Variants in DLG2 observed in about 807,000 individuals in gnomAD.
DLG2 encodes disks large homolog 2.
Under a neutral mutation model 132.5 loss-of-function variants are expected in DLG2, and 45 were observed. The observed-to-expected ratio is 0.34, with a 90% CI of 0.27 to 0.44. DLG2 has a LOEUF of 0.44. DLG2 is among the 20% of genes least tolerant of loss of function. The pLI is 1.00. For synonymous variants in DLG2, 424 were observed against 419.6 expected (o/e 1.01, Z -0.13); for missense variants, 1,045 against 1,196.9 (o/e 0.87, Z 1.87).
At chr11:85,571,284 GT>G (rs2077829460) in intron 3 of DLG2, among the ~76,000 whole-genome samples, 1 of 152,090 alleles carries the variant, frequency 6.6e-6, no homozygotes, top group Non-Finnish European at 1.5e-5. Flanking sequence ...ATGTTCAGTT[GT>G]TTTTGTGTAT....
chr11:85,224,284 T>G (rs549303514), intron 4 of DLG2, among the ~76,000 whole-genome samples: 21 of 152,202 alleles, frequency 1.4e-4, no homozygotes, highest in African/African-American at 5.1e-4. Flanking sequence ...AAAGAATAAT[T>G]TTTGAGTTCA....
At chr11:84,857,284 A>G (rs1175677430) in intron 6 of DLG2, among the ~76,000 whole-genome samples, 1 of 151,992 alleles carries the variant, frequency 6.6e-6, no homozygotes, top group Non-Finnish European at 1.5e-5. Context: ...TGAAGAGGTT[A>G]AAGAAACAAT....
chr11:85,125,603 T>TA (rs1483401625), intron 5 of DLG2, among the ~76,000 whole-genome samples: 1 of 152,106 alleles, frequency 6.6e-6, no homozygotes, highest in Non-Finnish European at 1.5e-5. Context: ...AATAATAACT[T>TA]TGTTGTGATT....
At chr11:85,090,306 G>A (rs974867127) in intron 6 of DLG2, among the ~76,000 whole-genome samples, 1 of 152,114 alleles carries the variant, frequency 6.6e-6, no homozygotes, top group Admixed American at 6.5e-5. Context: ...AGGAACTCTA[G>A]GCAGTCTCAC....
At chr11:84,007,709 C>T (rs1404074458) in intron 11 of DLG2, among the ~76,000 whole-genome samples, 1 of 151,572 alleles carries the variant, frequency 6.6e-6, no homozygotes, top group African/African-American at 2.4e-5. Flanking sequence ...GACACAAGCA[C>T]CATGTGGAAT....
Position 84,538,681 on chromosome 11 carries a change from T to C in DLG2, c.358-3950A>G, listed in dbSNP as rs1411164216. Among the ~76,000 whole-genome samples, 6 of 152,108 alleles carry C rather than the reference T, an allele frequency of 3.9e-5. No homozygotes were observed. The East Asian group carries it at 7.7e-4, about 20-fold the overall frequency. ...TAGGTCTGCTTCTAGTGAGCTGATG[T>C]AAGACTTGGATGAAGCTTGGGATGT... is the stretch of plus-strand genomic sequence containing the variant. On this transcript the variant is annotated intron_variant, in intron 6 of 27. Transcript: ENST00000376104.
chr11:84,352,001 C>T (rs992036103), intron 7 of DLG2, among the ~76,000 whole-genome samples: 1 of 152,174 alleles, frequency 6.6e-6, no homozygotes, highest in Non-Finnish European at 1.5e-5. Flanking sequence ...TAAATAGTAT[C>T]CATCTTTGTG....
intron 18 of DLG2, among the ~76,000 whole-genome samples, chr11:83,740,849 C>T (rs2092446970): frequency 6.6e-6 from 1 of 152,076 alleles, no homozygotes; most frequent in Non-Finnish European, 1.5e-5. Context: ...TGTGTTTTAC[C>T]TCTCTGCATA....
intron 9 of DLG2, among the ~76,000 whole-genome samples, chr11:84,140,710 C>G (rs762748603): frequency 4.6e-5 from 7 of 152,234 alleles, no homozygotes; most frequent in African/African-American, 1.7e-4. Context: ...CTCTATCTAC[C>G]TACTGTTTTC....
At chr11:83,606,817 C>T (rs909688532) in intron 19 of DLG2, among the ~76,000 whole-genome samples, 3 of 152,052 alleles carry the variant, frequency 2.0e-5, no homozygotes, top group African/African-American at 7.2e-5. Context: ...GTCCCAGCTG[C>T]TCAGGAGGCT....
At chr11:84,824,645 T>G (rs1234231604) in intron 6 of DLG2, among the ~76,000 whole-genome samples, 4 of 151,878 alleles carry the variant, frequency 2.6e-5, no homozygotes, top group Non-Finnish European at 5.9e-5. Flanking sequence ...ATTGTTCCCA[T>G]TTGTATGGAA....
intron 6 of DLG2, among the ~76,000 whole-genome samples, chr11:84,851,794 TTAA>T (rs2082197326): frequency 1.3e-5 from 2 of 152,004 alleles, no homozygotes; most frequent in South Asian, 2.1e-4. Flanking sequence ...TAGCTATAAT[TTAA>T]TAATATCGTT....
intron 21 of DLG2, among the ~76,000 whole-genome samples, chr11:83,525,316 G>T (rs1461534083): frequency 1.3e-5 from 2 of 152,124 alleles, no homozygotes; most frequent in Non-Finnish European, 2.9e-5. Context: ...GGCTCAGGTG[G>T]TTCTCAGTGG....
chr11:83,665,062 G>C (rs1372266672), intron 18 of DLG2, among the ~76,000 whole-genome samples: 1 of 152,164 alleles, frequency 6.6e-6, no homozygotes, highest in Non-Finnish European at 1.5e-5. Flanking sequence ...TTAAAGTATT[G>C]TTAGGGAAGA....
At chr11:83,734,073 T>C (rs1270925298) in intron 18 of DLG2, among the ~76,000 whole-genome samples, 6 of 152,150 alleles carry the variant, frequency 3.9e-5, no homozygotes, top group Non-Finnish European at 7.4e-5. Context: ...GTTGCAACCA[T>C]ATTGTTGTAA....
intron 6 of DLG2, among the ~76,000 whole-genome samples, chr11:85,026,356 T>C (rs1290692915): frequency 6.6e-6 from 1 of 152,128 alleles, no homozygotes; most frequent in Non-Finnish European, 1.5e-5. Flanking sequence ...ACCTCAGTTA[T>C]AAGGAAGATA....
At chr11:83,771,622 C>T (rs1303331218) in intron 18 of DLG2, among the ~76,000 whole-genome samples, 1 of 152,070 alleles carries the variant, frequency 6.6e-6, no homozygotes, top group African/African-American at 2.4e-5. Flanking sequence ...ATTTGTATAT[C>T]TAAACATATA....
At chr11:85,225,012 T>A (rs897890633) in intron 4 of DLG2, among the ~76,000 whole-genome samples, 2 of 152,110 alleles carry the variant, frequency 1.3e-5, no homozygotes, top group Admixed American at 1.3e-4. Flanking sequence ...AATTAAAACA[T>A]AAAACCTCAA....
intron 3 of DLG2, among the ~76,000 whole-genome samples, chr11:85,458,480 G>A (rs1391008968): frequency 1.3e-5 from 2 of 152,160 alleles, no homozygotes; most frequent in African/African-American, 4.8e-5. Flanking sequence ...TGGGGAACTA[G>A]TGAGGTCATT....
Sources: gnomAD v4.1 joint callset for allele counts (sites outside exome capture counted in the v4.1 genomes callset) on GRCh38, gnomAD v4.1.1 for gene constraint, MANE v1.5 for transcripts, NCBI Gene and HGNC (gene_info 2026-07-23, HGNC 2026-07-21) for gene names.